The following CLVS1 variants were observed in gnomAD, a reference collection of about 807,000 sequenced individuals.
CLVS1 encodes the protein clavesin 1.
Under a neutral mutation model 33.1 loss-of-function variants are expected in CLVS1, and 10 were observed. The ratio of observed to expected loss-of-function variants is 0.30; its 90% confidence interval spans 0.19 to 0.51. The LOEUF is 0.51. Ranked by LOEUF, CLVS1 falls within the 20% of genes least tolerant of loss-of-function variation. CLVS1 has a pLI of 0.97. For missense variants in CLVS1, 343 were observed against 433.4 expected (o/e 0.79, Z 1.85); for synonymous variants, 163 against 166.1 (o/e 0.98, Z 0.14).
At chr8:61,224,069 A>C (rs553697686) in intron 2 of CLVS1, among the ~76,000 whole-genome samples, 37 of 152,178 alleles carry the variant, frequency 2.4e-4, no homozygotes, top group Middle Eastern at 6.8e-3. Flanking sequence ...CAATTCCCCT[A>C]ACCTTTTATC....
At chr8:61,438,452 A>G (rs570204712) in intron 3 of CLVS1, among the ~76,000 whole-genome samples, 3 of 152,296 alleles carry the variant, frequency 2.0e-5, no homozygotes, top group Non-Finnish European at 2.9e-5. Flanking sequence ...GGTTGATTCC[A>G]TGTCTTTGCT....
chr8:60,971,431 T>C, the CLVS1 span, among the ~76,000 whole-genome samples: 1 of 152,214 alleles, frequency 6.6e-6, no homozygotes, highest in East Asian at 1.9e-4. Context: ...GGGTGCAGTA[T>C]CTTCCACATC....
intron 4 of CLVS1, among the ~76,000 whole-genome samples, chr8:61,454,826 T>G (rs567555153): frequency 1.5e-4 from 23 of 152,342 alleles, no homozygotes; most frequent in Admixed American, 8.5e-4. Flanking sequence ...TCATGGCATT[T>G]TGATGAGCTG....
chr8:61,467,854 A>C (rs1190338684), intron 5 of CLVS1, among the ~76,000 whole-genome samples: 3 of 152,190 alleles, frequency 2.0e-5, no homozygotes, highest in Non-Finnish European at 4.4e-5. Context: ...GAAAGTTTAG[A>C]TCTGGAGGAA....
intron 2 of CLVS1, among the ~76,000 whole-genome samples, chr8:61,137,955 C>A (rs1315207494): frequency 6.6e-6 from 1 of 152,140 alleles, no homozygotes; most frequent in African/African-American, 2.4e-5. Flanking sequence ...TTCATTCATG[C>A]AGTGAACGGG....
the CLVS1 span, among the ~76,000 whole-genome samples, chr8:61,002,294 T>G: frequency 3.2e-4 from 49 of 151,838 alleles, no homozygotes; most frequent in Non-Finnish European, 3.5e-4. Context: ...TCAATCCACT[T>G]TAACATGTAT....
At chr8:61,202,144 G>A (rs1034976713) in intron 2 of CLVS1, among the ~76,000 whole-genome samples, 2 of 152,236 alleles carry the variant, frequency 1.3e-5, no homozygotes, top group Non-Finnish European at 1.5e-5. Context: ...CCTAATGCTT[G>A]CTTGGACCAT....
At chr8:61,463,616 G>T (rs181833759) in intron 5 of CLVS1, among the ~76,000 whole-genome samples, 1 of 152,228 alleles carries the variant, frequency 6.6e-6, no homozygotes, top group East Asian at 1.9e-4. Flanking sequence ...AGAAAAATGA[G>T]AGAACATTTG....
chr8:61,353,324 TA>T (rs1435785081), intron 2 of CLVS1, among the ~76,000 whole-genome samples: 2 of 151,932 alleles, frequency 1.3e-5, no homozygotes, highest in African/African-American at 4.8e-5. Context: ...CAAATTAAAA[TA>T]AATGAAATCA....
At chr8:61,407,982 G>A (rs915515537) in intron 3 of CLVS1, among the ~76,000 whole-genome samples, 15 of 152,152 alleles carry the variant, frequency 9.9e-5, no homozygotes, top group African/African-American at 3.6e-4. Context: ...AAACTCATCA[G>A]ATCTGAGCCC....
the CLVS1 span, among the ~76,000 whole-genome samples, chr8:61,000,432 T>C: frequency 6.6e-6 from 1 of 152,168 alleles, no homozygotes; most frequent in Non-Finnish European, 1.5e-5. Flanking sequence ...AGTAGTTCTT[T>C]TGTTCATGGG....
chr8:61,480,672 G>A (rs535494456), intron 5 of CLVS1, among the ~76,000 whole-genome samples: 10 of 152,214 alleles, frequency 6.6e-5, no homozygotes, highest in Non-Finnish European at 1.2e-4. Flanking sequence ...CTTCTGCGTC[G>A]CTTCTGCTGG....
chr8:61,368,574 T>A (rs10112262), intron 2 of CLVS1, among the ~76,000 whole-genome samples: 6,922 of 152,266 alleles, frequency 0.045, 334 homozygotes, highest in African/African-American at 0.12. Flanking sequence ...CTCCATATAT[T>A]GTTGCCATAC....
intron 2 of CLVS1, among the ~76,000 whole-genome samples, chr8:61,359,843 C>T (rs1812898916): frequency 6.6e-6 from 1 of 152,180 alleles, no homozygotes. Flanking sequence ...GAGTAGCAAA[C>T]TGGTGGGCCT....
chr8:61,033,047 A>AAGAAAGAAGGAAGGAAGGAAGG, the CLVS1 span, among the ~76,000 whole-genome samples: 4 of 77,978 alleles, frequency 5.1e-5, no homozygotes, highest in East Asian at 3.6e-4. Flanking sequence ...GAAAGAAAGA[A>AAGAAAGAAGGAAGGAAGGAAGG]AAAGAAAGAA....
At chr8:61,383,064 A>G (rs1401751924) in intron 3 of CLVS1, among the ~76,000 whole-genome samples, 8 of 152,230 alleles carry the variant, frequency 5.3e-5, no homozygotes, top group Non-Finnish European at 8.8e-5. Context: ...ACTCATTTAA[A>G]TGAAATCACT....
chr8:61,247,016 T>G (rs1808826779), intron 2 of CLVS1, among the ~76,000 whole-genome samples: 2 of 152,186 alleles, frequency 1.3e-5, no homozygotes, highest in African/African-American at 4.8e-5. Context: ...TGTTCATAAG[T>G]TCTCATCATT....
intron 1 of CLVS1, among the ~76,000 whole-genome samples, chr8:61,068,229 G>GTATATATATATATATATATA (rs201671807): frequency 3.0e-5 from 3 of 101,004 alleles, no homozygotes; most frequent in African/African-American, 1.1e-4. Context: ...GTATGTATGT[G>GTATATATATATATATATATA]TATATATATA....
intron 2 of CLVS1, among the ~76,000 whole-genome samples, chr8:61,275,944 G>A (rs908544679): frequency 3.3e-5 from 5 of 152,168 alleles, no homozygotes; most frequent in Non-Finnish European, 7.4e-5. Flanking sequence ...TTTTGCATAA[G>A]AGGCAGTGGT....
Sources: gnomAD v4.1 joint callset for allele counts (sites outside exome capture counted in the v4.1 genomes callset) on GRCh38, gnomAD v4.1.1 for gene constraint, MANE v1.5 for transcripts, NCBI Gene and HGNC (gene_info 2026-07-23, HGNC 2026-07-21) for gene names.